Variants in PLG observed in about 807,000 individuals in gnomAD.
PLG encodes plasminogen.
PLG carries 41 observed loss-of-function variants against 104.4 expected under a neutral mutation model. The ratio of observed to expected loss-of-function variants is 0.39; its 90% CI spans 0.31 to 0.51. PLG has a LOEUF of 0.51. Among genes scored for constraint, PLG ranks in the 20% least tolerant of loss-of-function variants. PLG has a pLI of 0.76. For synonymous variants in PLG, 337 were observed against 357.1 expected (o/e 0.94, Z 0.63); for missense variants, 891 against 1,003.6 (o/e 0.89, Z 1.52).
chr6:160,753,260 A>G lies in PLG; in HGVS notation c.*199A>G, dbSNP rs1354492399. 1.7e-6 allele frequency: 1 copy of G among 584,674 alleles called. No individual in the cohort carries two copies. The highest frequency in any genetic ancestry group is 1.9e-5 in the African/African-American group (1 of 53,408). 36.2% of individuals were successfully genotyped at this position (584,674 alleles called of 1,614,324 possible). On this transcript the variant is annotated 3_prime_UTR_variant, in exon 19 of 19. Coordinates refer to ENST00000308192, the MANE Select transcript of PLG (RefSeq NM_000301.5). The surrounding 1 kb of genome is among the most constrained non-coding windows in gnomAD (Gnocchi z 5.4). ...AGGTGACATAGCTATGACATTTGTT[A>G]AAAATAAACTCTGTACTTAACTTTG... is the stretch of plus-strand genomic sequence containing the variant.
intron 1 of PLG, 190 bp from the exon 2 acceptor site, chr6:160,706,213 CTTTA>C: frequency 1.4e-6 from 1 of 713,302 alleles, no homozygotes; most frequent in South Asian, 1.8e-5. Context: ...TAGTTGCCAT[CTTTA>C]TTTATGTCCA....
Position 160,738,977 on chromosome 6 carries a change from G to A in PLG, c.1878-91G>A. On this transcript the variant is annotated intron_variant, in intron 15 of 18. Coordinates refer to ENST00000308192, the MANE Select transcript of PLG (RefSeq NM_000301.5). This position sits in a 1 kb window ranked among gnomAD's most constrained non-coding sequence, Gnocchi z 6.8. ...AAGTCACTAATTCTGAGTGGCCAAGGGTGTCAGGGAGACAGCACCAATTTC... is the reference window on the plus strand; with the variant it reads ...AAGTCACTAATTCTGAGTGGCCAAGAGTGTCAGGGAGACAGCACCAATTTC... 7 of 1,480,012 alleles carry A rather than the reference G, an allele frequency of 4.7e-6. No individual in the cohort carries two copies. Among genetic ancestry groups the A allele is most frequent in the Admixed American group, 1.7e-5 (1 of 59,764 alleles). 91.7% of individuals were successfully genotyped at this position (1,480,012 alleles called of 1,614,324 possible).
Position 160,706,469 on chromosome 6 carries a change from A to G in PLG, c.112A>G (p.Lys38Glu), listed in dbSNP as rs73015965. Residue 38 changes from lysine to glutamate, a missense_variant, in exon 2 of 19, where the codon AAG (lysine) becomes GAG (glutamate). By Grantham distance (56) the Lys-to-Glu change is moderately conservative. Coordinates refer to ENST00000308192, the MANE Select transcript of PLG (RefSeq NM_000301.5). ...GGGGGCTTCACTGTTCAGTGTCACT[A>G]AGAAGCAGCTGGGAGCAGGAAGTAT... ...TQGASLFSVT[K>E]KQLGAGSIEE... The G allele has an allele frequency of 5.0e-3, 8,032 of 1,613,830 alleles. 36 individuals carry two copies. The highest frequency in any genetic ancestry group is 6.4e-3 in the Non-Finnish European group (7,560 of 1,179,738).
Position 160,731,251 on chromosome 6 carries a change from G to C in PLG, c.1438+19G>C. The C allele has an allele frequency of 6.2e-7, 1 of 1,603,012 alleles. No individual in the cohort carries two copies. The highest frequency in any genetic ancestry group is 8.5e-7 in the Non-Finnish European group (1 of 1,170,148). The stretch of plus-strand genomic sequence containing the variant: ...GAAGAAGGTAAGAAATCTGTGGCTG[G>C]ACATCTACACACTTGGACGCTGGGA... On this transcript the variant is annotated intron_variant, in intron 11 of 18. Coordinates refer to ENST00000308192, the MANE Select transcript of PLG (RefSeq NM_000301.5). The surrounding 1 kb of genome is among the most constrained non-coding windows in gnomAD (Gnocchi z 5.1).
At chr6:160,750,282 C>G (rs554530466) in intron 17 of PLG, among the ~76,000 whole-genome samples, 17 of 152,314 alleles carry the variant, frequency 1.1e-4, no homozygotes, top group African/African-American at 4.1e-4. Flanking sequence ...TGCCCTCTCC[C>G]CAACGCCCCA....
chr6:160,717,163 G>A (rs546851261), intron 7 of PLG, among the ~76,000 whole-genome samples: 26 of 152,102 alleles, frequency 1.7e-4, no homozygotes, highest in Non-Finnish European at 3.5e-4. Context: ...ACAATGTTCA[G>A]GTCTGTGGGT....
At chr6:160,704,663 G>A (rs999813013) in intron 1 of PLG, among the ~76,000 whole-genome samples, 1 of 152,172 alleles carries the variant, frequency 6.6e-6, no homozygotes, top group African/African-American at 2.4e-5. Context: ...GTGCTTTTTA[G>A]TGGATTAGCT....
At position 160,741,143 on chromosome 6, in the gene PLG, A is replaced by G. The variant is rs887131926; in HGVS notation, c.2019-168A>G. On this transcript the variant is annotated intron_variant, in intron 16 of 18. Transcript: ENST00000308192. This position sits in a 1 kb window ranked among gnomAD's most constrained non-coding sequence, Gnocchi z 4.7. ...ACATCTGCATAGTCCATAGACAACC[A>G]CAGGCAAATGTGAGGGTGAAACTCT... Among the ~76,000 whole-genome samples the G allele has an allele frequency of 6.6e-6, 1 of 152,216 alleles. No homozygotes were observed. The highest frequency in any genetic ancestry group is 2.4e-5 in the African/African-American group (1 of 41,458).
intron 7 of PLG, 88 bp from the exon 8 acceptor site, chr6:160,718,206 C>T (rs1777773336): frequency 1.8e-6 from 2 of 1,125,744 alleles, no homozygotes; most frequent in East Asian, 2.4e-5. Flanking sequence ...GAGCTGAGAT[C>T]GTGCCACTGA....
At position 160,753,850 on chromosome 6, in the gene PLG, G is replaced by A. The variant is rs1778449063; in HGVS notation, c.*789G>A. 6.6e-6 allele frequency among the ~76,000 whole-genome samples: 1 copy of A among 152,192 alleles called. No homozygotes were observed. Among genetic ancestry groups the A allele is most frequent in the South Asian group, 2.1e-4 (1 of 4,826 alleles). On this transcript the variant is annotated 3_prime_UTR_variant, in exon 19 of 19. Transcript: ENST00000308192. This position sits in a 1 kb window ranked among gnomAD's most constrained non-coding sequence, Gnocchi z 5.4. ...GCAGTACACACGGTCACAGGAGAAT[G>A]ACCTGTGGGAGAGATACATGTTTAG...
At chr6:160,745,391 C>CCCTTT (rs80276688) in intron 17 of PLG, among the ~76,000 whole-genome samples, 31,416 of 152,136 alleles carry the variant, frequency 0.21, 3,771 homozygotes, top group Non-Finnish European at 0.28. Flanking sequence ...AACCCTTTAC[C>CCCTTT]ATTATGTAAT....
At position 160,752,845 on chromosome 6, in the gene PLG, T is replaced by C; in HGVS notation, c.2272-55T>C. On this transcript the variant is annotated intron_variant, in intron 18 of 18. Transcript: ENST00000308192. This position sits in a 1 kb window ranked among gnomAD's most constrained non-coding sequence, Gnocchi z 4.7. ...TGGATAGTAGAAGGATGGCATCCCA[T>C]AATAAAAGGCAGGCAGCCTAACCCT... The C allele has an allele frequency of 6.3e-7, 1 of 1,580,828 alleles. No individual in the cohort carries two copies. Among genetic ancestry groups the C allele is most frequent in the South Asian group, 1.1e-5 (1 of 90,380 alleles).
chr6:160,706,282 A>T (rs1777521668), intron 1 of PLG, 125 bp from the exon 2 acceptor site: 8 of 1,264,710 alleles, frequency 6.3e-6, no homozygotes, highest in Non-Finnish European at 8.0e-6. Flanking sequence ...TACCCATTCT[A>T]CTTCCAGTAA....
Position 160,725,707 on chromosome 6 carries a change from C to A in PLG, c.1256+3140C>A, listed in dbSNP as rs1582941582. ...ATAAAAATCAAAGCCCAATTATGTT[C>A]TTTTTACTATACATGCTCTTTAATT... On this transcript the variant is annotated intron_variant, in intron 10 of 18. Coordinates refer to ENST00000308192, the MANE Select transcript of PLG (RefSeq NM_000301.5). This position sits in a 1 kb window ranked among gnomAD's most constrained non-coding sequence, Gnocchi z 6.3. Among the ~76,000 whole-genome samples the A allele has an allele frequency of 6.6e-6, 1 of 152,058 alleles. No homozygotes were observed. Among genetic ancestry groups the A allele is most frequent in the South Asian group, 2.1e-4 (1 of 4,832 alleles).
rs4252105 is a variant in PLG at position 160,715,026 on chromosome 6, T to A, written c.668+112T>A. The A allele has an allele frequency of 0.39, 408,081 of 1,059,330 alleles. 81,153 individuals carry two copies. Among genetic ancestry groups the A allele is most frequent in the East Asian group, 0.44 (17,430 of 39,732 alleles). 65.6% of individuals were successfully genotyped at this position (1,059,330 alleles called of 1,614,324 possible). ...TTCCTCAAGAAGTGAACGCCTGATG[T>A]TTTTAATTTCAAAGCTAACCTCCTC... On this transcript the variant is annotated intron_variant, in intron 6 of 18. Coordinates refer to ENST00000308192, the MANE Select transcript of PLG (RefSeq NM_000301.5).
chr6:160,742,839 G>A (rs1778217250), intron 17 of PLG, among the ~76,000 whole-genome samples: 1 of 152,088 alleles, frequency 6.6e-6, no homozygotes, highest in South Asian at 2.1e-4. Context: ...TGTAAGGAAA[G>A]GGGTCCAGTT....
At chr6:160,750,643 A>G (rs1582954533) in intron 17 of PLG, among the ~76,000 whole-genome samples, 1 of 152,192 alleles carries the variant, frequency 6.6e-6, no homozygotes, top group Non-Finnish European at 1.5e-5. Flanking sequence ...AGGCGCTGGG[A>G]TGAGCCTCTT....
chr6:160,743,025 T>A (rs1159335571), intron 17 of PLG, among the ~76,000 whole-genome samples: 1 of 151,840 alleles, frequency 6.6e-6, no homozygotes, highest in Non-Finnish European at 1.5e-5. Context: ...TTTTTTTTTT[T>A]TTTTTACCAG....
intron 3 of PLG, among the ~76,000 whole-genome samples, chr6:160,709,866 A>G (rs1481674167): frequency 1.3e-5 from 2 of 152,244 alleles, no homozygotes; most frequent in East Asian, 3.8e-4. Context: ...TAATTAAAAA[A>G]TGGCTAAAGT....
Sources: allele counts gnomAD v4.1 joint callset (sites outside exome capture counted in the v4.1 genomes callset), GRCh38; gene constraint gnomAD v4.1.1; non-coding constraint Gnocchi (gnomAD v3.1); transcripts MANE v1.5; gene names NCBI Gene and HGNC (gene_info 2026-07-23, HGNC 2026-07-21).